Variants in TOP1MT observed in about 807,000 individuals in gnomAD.
The protein encoded by TOP1MT is DNA topoisomerase I, mitochondrial.
In TOP1MT, 80 loss-of-function variants were observed where a neutral mutation model predicts 73.9. The ratio of observed to expected loss-of-function variants is 1.08; its 90% CI spans 0.90 to 1.30. The LOEUF is 1.30. Ranked by LOEUF, TOP1MT falls within the 50% of genes most tolerant of loss-of-function variation. The probability of loss-of-function intolerance (pLI) is 0.00; values close to 1 mark genes in which losing one functional copy is unlikely to be tolerated. For synonymous variants in TOP1MT, 338 were observed against 326.4 expected (o/e 1.04, Z -0.38); for missense variants, 815 against 808.0 (o/e 1.01, Z -0.10).
chr8:143,312,471 C>T (rs1043819919), intron 12 of TOP1MT, among the ~76,000 whole-genome samples: 1 of 152,010 alleles, frequency 6.6e-6, no homozygotes, highest in African/African-American at 2.4e-5. Flanking sequence ...AAAACAAGAT[C>T]TCAACAGGTG....
intron 7 of TOP1MT, among the ~76,000 whole-genome samples, chr8:143,323,786 ACACGCAC>A (rs1195137987): frequency 2.7e-5 from 4 of 149,192 alleles, no homozygotes; most frequent in African/African-American, 4.9e-5. Flanking sequence ...CAGGCACACC[ACACGCAC>A]AAGTGCACAC....
Position 143,310,064 on chromosome 8 carries a change from G to A in TOP1MT, c.1703+4C>T, listed in dbSNP as rs1334175362. On this transcript the variant is annotated splice_donor_region_variant and intron_variant, in intron 13 of 13. Transcript: ENST00000329245. ...GTGGGAACTGAGACCCCAGGCACAC[G>A]CACCAGGCAATGCTGATCCTGGGGT... 11 of 1,611,390 alleles carry A rather than the reference G, an allele frequency of 6.8e-6. No individual in the cohort carries two copies. The highest frequency in any genetic ancestry group is 6.7e-5 in the East Asian group (3 of 44,882).
intron 10 of TOP1MT, 93 bp downstream of exon 10, chr8:143,317,630 C>A (rs916212452): frequency 1.8e-6 from 2 of 1,141,282 alleles, no homozygotes. Flanking sequence ...GGCCCCACCC[C>A]GAGGCTCACT....
At chr8:143,328,844 C>T (rs1239041553) in intron 3 of TOP1MT, among the ~76,000 whole-genome samples, 1 of 152,214 alleles carries the variant, frequency 6.6e-6, no homozygotes, top group Non-Finnish European at 1.5e-5. Flanking sequence ...CCGGAGGGCA[C>T]AGAATCCGCG....
chr8:143,311,117 ATTTTTTT>A (rs769172231), intron 12 of TOP1MT, among the ~76,000 whole-genome samples: 11 of 106,828 alleles, frequency 1.0e-4, no homozygotes, highest in South Asian at 3.1e-4. Flanking sequence ...CACGCACATG[ATTTTTTT>A]TTTTTTTTTT....
At chr8:143,343,918 TCTCA>T (rs1199637389) in intron 1 of TOP1MT, 1 of 152,828 alleles carries the variant, frequency 6.5e-6, no homozygotes, top group African/African-American at 2.4e-5. Flanking sequence ...CTATGGCTGC[TCTCA>T]CTCCACCATC....
intron 1 of TOP1MT, among the ~76,000 whole-genome samples, chr8:143,355,148 G>A (rs1016823763): frequency 1.3e-5 from 2 of 152,212 alleles, no homozygotes; most frequent in Admixed American, 1.3e-4. Flanking sequence ...CACAACCGGG[G>A]ATGACCCAGC....
intron 12 of TOP1MT, among the ~76,000 whole-genome samples, chr8:143,312,867 G>A (rs1816049236): frequency 6.6e-6 from 1 of 152,216 alleles, no homozygotes; most frequent in South Asian, 2.1e-4. Flanking sequence ...AGGCAGGATT[G>A]CTTAAAGCCA....
upstream of TOP1MT, among the ~76,000 whole-genome samples, chr8:143,347,942 C>G (rs1010500466): frequency 1.3e-5 from 2 of 152,182 alleles, no homozygotes; most frequent in African/African-American, 2.4e-5. Context: ...GGTCTCCCCA[C>G]GCTGAGGAGG....
upstream of TOP1MT, among the ~76,000 whole-genome samples, chr8:143,335,832 C>T (rs1031861455): frequency 1.3e-5 from 2 of 152,274 alleles, no homozygotes; most frequent in African/African-American, 4.8e-5. Context: ...CTGCCACCAA[C>T]TGACTCAGTG....
chr8:143,309,876 C>T (rs1316739698), intron 13 of TOP1MT, 192 bp downstream of exon 13: 1 of 1,545,488 alleles, frequency 6.5e-7, no homozygotes, highest in Admixed American at 1.9e-5. Context: ...TTCACCCTGT[C>T]CATCCGAACG....
At chr8:143,312,054 C>T (rs191281939) in intron 12 of TOP1MT, among the ~76,000 whole-genome samples, 22 of 152,276 alleles carry the variant, frequency 1.4e-4, no homozygotes, top group African/African-American at 4.6e-4. Context: ...CCTAGCCAGG[C>T]AGTGCAGTGC....
At chr8:143,351,943 T>A (rs1423866124) in intron 1 of TOP1MT, among the ~76,000 whole-genome samples, 1 of 151,882 alleles carries the variant, frequency 6.6e-6, no homozygotes, top group Non-Finnish European at 1.5e-5. Context: ...ATTAGCTGAG[T>A]GTGGTGGCAC....
chr8:143,309,655 G>A lies in TOP1MT; in HGVS notation c.1704-112C>T, dbSNP rs572101465. Reference sequence around the variant, plus strand: ...TCCATGCAGCAGAGACACCAGAGCCGCCTGGTGTAGCTGGGACCTGCTCCT... The same window carrying A: ...TCCATGCAGCAGAGACACCAGAGCCACCTGGTGTAGCTGGGACCTGCTCCT... On this transcript the variant is annotated intron_variant, in intron 13 of 13. Transcript: ENST00000329245. The A allele has an allele frequency of 2.8e-4, 437 of 1,542,644 alleles. 1 individual carries two copies. In the Middle Eastern group the frequency reaches 3.6e-3, roughly 13 times the overall value.
At chr8:143,333,421 C>G (rs1021071613) in intron 1 of TOP1MT, among the ~76,000 whole-genome samples, 1 of 152,118 alleles carries the variant, frequency 6.6e-6, no homozygotes, top group Non-Finnish European at 1.5e-5. Flanking sequence ...TGCACTCCAG[C>G]CTGGGTGACA....
chr8:143,322,313 C>T (rs1294222869), intron 7 of TOP1MT, among the ~76,000 whole-genome samples: 3 of 62,470 alleles, frequency 4.8e-5, no homozygotes, highest in South Asian at 8.3e-4. Context: ...CCCACAGGCA[C>T]GCCATACAGA....
At chr8:143,315,094 G>A (rs974839451) in intron 12 of TOP1MT, among the ~76,000 whole-genome samples, 16 of 152,070 alleles carry the variant, frequency 1.1e-4, no homozygotes, top group East Asian at 3.9e-4. Context: ...TTAGCAGACC[G>A]GGAAAGGGAG....
At position 143,324,024 on chromosome 8, in the gene TOP1MT, G is replaced by A. The variant is rs764945190; in HGVS notation, c.935C>T (p.Ala312Val). The A allele has an allele frequency of 1.2e-5, 19 of 1,613,642 alleles. No individual in the cohort carries two copies. The highest frequency in any genetic ancestry group is 1.2e-4 in the Admixed American group (7 of 60,008). Residue 312 changes from alanine to valine, a missense_variant, in exon 7 of 14, where the codon GCG becomes GTG. Transcript: ENST00000329245. ...KSREMKTRQR[A>V]VALYFIDKLA... Reference sequence around the variant, plus strand: ...CTTATCGATGAAATACAGGGCCACCGCCCGCTGTCTCGTCTTCATTTCCCG... The same window carrying A: ...CTTATCGATGAAATACAGGGCCACCACCCGCTGTCTCGTCTTCATTTCCCG...
Position 143,310,203 on chromosome 8 carries a change from T to C in TOP1MT, c.1568A>G (p.Lys523Arg). 6.3e-7 allele frequency: 1 copy of C among 1,575,732 alleles called. No individual in the cohort carries two copies. The highest frequency in any genetic ancestry group is 2.3e-5 in the East Asian group (1 of 43,916). Residue 523 changes from lysine (K) to arginine (R), a missense_variant, in exon 13 of 14, where the codon AAG becomes AGG. Coordinates refer to ENST00000329245, the MANE Select transcript of TOP1MT (RefSeq NM_052963.3). ...DGKSRSVLEK[K>R]RRLLEKLQEQ... ...CTGCAGCTTCTCCAGGAGCCGCCTC[T>C]TCTTCTCCAGGACACTGGCAAGAGA...
Sources: allele counts gnomAD v4.1 joint callset (sites outside exome capture counted in the v4.1 genomes callset), GRCh38; gene constraint gnomAD v4.1.1; transcripts MANE v1.5; gene names NCBI Gene and HGNC (gene_info 2026-07-23, HGNC 2026-07-21).